Variants in CD226 observed in about 807,000 individuals in gnomAD.
CD226 encodes CD226 molecule.
In CD226, 24 loss-of-function variants were observed where a neutral mutation model predicts 34.9. That is an observed-to-expected ratio of 0.69 (90% CI 0.50 to 0.97). The LOEUF is 0.97. Among genes scored for constraint, CD226 ranks in the 50% least tolerant of loss-of-function variants. The pLI is 0.00. For synonymous variants in CD226, 148 were observed against 147.4 expected, an observed-to-expected ratio of 1.00 and a Z score of -0.03; for missense variants, 397 against 412.7, an observed-to-expected ratio of 0.96 and a Z score of 0.33.
chr18:69,905,100 T>G (rs1048032771), intron 2 of CD226, among the ~76,000 whole-genome samples: 13 of 152,158 alleles, frequency 8.5e-5, no homozygotes, highest in African/African-American at 2.9e-4. Context: ...CACCCAGCTG[T>G]GAATGGCAGG....
chr18:69,880,912 A>C (rs1376242673), intron 3 of CD226, among the ~76,000 whole-genome samples: 1 of 152,116 alleles, frequency 6.6e-6, no homozygotes, highest in African/African-American at 2.4e-5. Flanking sequence ...CGGTCTCCTA[A>C]AGTGCTGGAA....
At chr18:69,947,213 T>C (rs1306608099) in intron 1 of CD226, 144 bp from the exon 2 acceptor site, 1 of 912,960 alleles carries the variant, frequency 1.1e-6, no homozygotes, top group African/African-American at 1.7e-5. Context: ...GTCCTGCTGA[T>C]AATTGGAAAA....
intron 2 of CD226, among the ~76,000 whole-genome samples, chr18:69,921,638 C>G (rs1016805259): frequency 6.6e-6 from 1 of 152,170 alleles, no homozygotes; most frequent in Non-Finnish European, 1.5e-5. Context: ...TGAGGCCCTT[C>G]GTGGATTGGC....
intron 4 of CD226, among the ~76,000 whole-genome samples, chr18:69,870,066 T>A (rs1983415034): frequency 6.6e-6 from 1 of 151,800 alleles, no homozygotes; most frequent in African/African-American, 2.4e-5. Context: ...CCTCCCAAAG[T>A]GCTGGGATTA....
chr18:69,893,806 G>A (rs1486794044), intron 3 of CD226, among the ~76,000 whole-genome samples: 1 of 152,216 alleles, frequency 6.6e-6, no homozygotes, highest in African/African-American at 2.4e-5. Context: ...AACAAGGGAG[G>A]CTTGATGTGG....
upstream of CD226, among the ~76,000 whole-genome samples, chr18:69,957,592 A>C (rs534829623): frequency 9.9e-5 from 15 of 152,250 alleles, no homozygotes; most frequent in East Asian, 2.1e-3. Flanking sequence ...AATTCATAGA[A>C]AGACTAGGAA....
rs916885156 is a variant in CD226, at chr18:69,855,247, T to C, written c.*9067A>G. ...TATCAGACATGGAACTTATCATTAA[T>C]ATGTTAAGAGCTCTCATGAAAAAAA... On this transcript the variant is annotated 3_prime_UTR_variant, in exon 6 of 6. Transcript: ENST00000582621. 2 of 152,016 alleles carry C rather than the reference T, an allele frequency of 1.3e-5. No individual in the cohort carries two copies. Among genetic ancestry groups the C allele is most frequent in the African/African-American group, 2.4e-5 (1 of 41,376 alleles). 9.4% of individuals were successfully genotyped at this position (152,016 alleles called of 1,614,324 possible).
At chr18:69,871,227 C>T (rs1432243645) in intron 4 of CD226, among the ~76,000 whole-genome samples, 1 of 152,182 alleles carries the variant, frequency 6.6e-6, no homozygotes, top group Non-Finnish European at 1.5e-5. Context: ...GGATGTTTCC[C>T]ATTGCCAAGG....
intron 3 of CD226, among the ~76,000 whole-genome samples, chr18:69,891,546 ATC>A (rs1173796427): frequency 6.6e-6 from 1 of 152,204 alleles, no homozygotes; most frequent in Non-Finnish European, 1.5e-5. Flanking sequence ...AAGTAATATT[ATC>A]TCTGTTTGCC....
At chr18:69,927,200 C>T (rs904293835) in intron 2 of CD226, among the ~76,000 whole-genome samples, 32 of 152,234 alleles carry the variant, frequency 2.1e-4, no homozygotes, top group African/African-American at 5.8e-4. Context: ...AGCAAGAAGG[C>T]GCCGTCTTGG....
upstream of CD226, among the ~76,000 whole-genome samples, chr18:69,950,081 C>T (rs1283263942): frequency 6.6e-6 from 1 of 152,168 alleles, no homozygotes; most frequent in Non-Finnish European, 1.5e-5. Flanking sequence ...CACATGCACA[C>T]ACGCATGCAC....
rs939054258 is a variant in CD226, at chr18:69,863,110, G to A, written c.*1204C>T. On this transcript the variant is annotated 3_prime_UTR_variant, in exon 6 of 6. Coordinates refer to ENST00000582621, the MANE Select transcript of CD226 (RefSeq NM_001303618.2). ...TCTTTGTCTGAATAGTGAAGCAGAA[G>A]TTTCCCTTTGTATTTTTCTGTGGTT... 6.6e-6 allele frequency: 1 copy of A among 152,120 alleles called. No individual in the cohort carries two copies. Among genetic ancestry groups the A allele is most frequent in the Non-Finnish European group, 1.5e-5 (1 of 68,016 alleles). The allele number at this position is 152,120 out of a possible 1,614,324, so 9.4% of individuals were successfully genotyped here.
rs1982756524 is a variant in CD226 at position 69,860,490 on chromosome 18, A to C, written c.*3824T>G. On this transcript the variant is annotated 3_prime_UTR_variant, in exon 6 of 6. Transcript: ENST00000582621. ...TAGTTAGTGCTCTGAATCTGGAAAA[A>C]TATGTGTAAACCGACCTTGAGGATT... 6.6e-6 allele frequency: 1 copy of C among 151,182 alleles called. No individual in the cohort carries two copies. Among genetic ancestry groups the C allele is most frequent in the Non-Finnish European group, 1.5e-5 (1 of 68,012 alleles). 9.4% of individuals were successfully genotyped at this position (151,182 alleles called of 1,614,324 possible).
At chr18:69,937,876 T>C (rs1036959389) in intron 2 of CD226, among the ~76,000 whole-genome samples, 1 of 152,218 alleles carries the variant, frequency 6.6e-6, no homozygotes, top group African/African-American at 2.4e-5. Context: ...CCATCAATTC[T>C]GGAGCCCTTA....
chr18:69,900,025 C>A (rs892702108), intron 2 of CD226, among the ~76,000 whole-genome samples: 4 of 152,142 alleles, frequency 2.6e-5, no homozygotes, highest in African/African-American at 9.7e-5. Context: ...GACATGAAAT[C>A]AACCTAAACG....
At position 69,889,251 on chromosome 18, in the gene CD226, C is replaced by T. The variant is rs140446149; in HGVS notation, c.727+6450G>A. On this transcript the variant is annotated intron_variant, in intron 3 of 5. Coordinates refer to ENST00000582621, the MANE Select transcript of CD226 (RefSeq NM_001303618.2). The stretch of plus-strand genomic sequence containing the variant: ...TTATTTTAGCTTGTGAGCAGTGACA[C>T]GGTGCTCTGGGATTCTGGTCGTGTT... Among the ~76,000 whole-genome samples, 248 of 151,944 alleles carry T rather than the reference C, an allele frequency of 1.6e-3. 2 individuals are homozygous for T. The highest frequency in any genetic ancestry group is 5.5e-3 in the African/African-American group (227 of 41,430).
chr18:69,918,101 T>A (rs1298250819), intron 2 of CD226, among the ~76,000 whole-genome samples: 4 of 152,168 alleles, frequency 2.6e-5, no homozygotes, highest in African/African-American at 9.7e-5. Flanking sequence ...ATTAAACAAA[T>A]CTACTTTTAA....
rs1982794045 is a variant in CD226, at chr18:69,861,137, C to T, written c.*3177G>A. 6.6e-6 allele frequency: 1 copy of T among 151,860 alleles called. No individual in the cohort carries two copies. Among genetic ancestry groups the T allele is most frequent in the Non-Finnish European group, 1.5e-5 (1 of 67,900 alleles). 9.4% of individuals were successfully genotyped at this position (151,860 alleles called of 1,614,324 possible). A position where few individuals can be genotyped will look rare whatever the true frequency, so the allele number is the denominator to read the frequency against. On this transcript the variant is annotated 3_prime_UTR_variant, in exon 6 of 6. Transcript: ENST00000582621. Reference sequence around the variant, plus strand: ...TTACTTTGTCTTTTAAATTGATAACCCATGTATTTTAAGTTTATATATATA... The same window carrying T: ...TTACTTTGTCTTTTAAATTGATAACTCATGTATTTTAAGTTTATATATATA...
chr18:69,878,939 T>C (rs574387268), intron 3 of CD226, among the ~76,000 whole-genome samples: 2 of 152,000 alleles, frequency 1.3e-5, no homozygotes, highest in South Asian at 2.1e-4. Flanking sequence ...AGGGAAAGAG[T>C]ACAAAAGACA....
Sources: allele counts gnomAD v4.1 joint callset (sites outside exome capture counted in the v4.1 genomes callset), GRCh38; gene constraint gnomAD v4.1.1; transcripts MANE v1.5; gene names NCBI Gene and HGNC (gene_info 2026-07-23, HGNC 2026-07-21).